GABRB1: variants seen among roughly 807,000 people sequenced by gnomAD.
GABRB1 encodes gamma-aminobutyric acid receptor subunit beta-1.
GABRB1 carries 17 observed loss-of-function variants against 51.6 expected under a neutral mutation model. The observed-to-expected ratio is 0.33, with a 90% confidence interval of 0.23 to 0.49. GABRB1 has a LOEUF of 0.49. Ranked by LOEUF, GABRB1 falls within the 20% of genes least tolerant of loss-of-function variation. The probability of loss-of-function intolerance (pLI) is 0.99; values close to 1 mark genes in which losing one functional copy is unlikely to be tolerated. For missense variants in GABRB1, 410 were observed against 600.6 expected, an observed-to-expected ratio of 0.68 and a Z score of 3.32; for synonymous variants, 247 against 218.9, an observed-to-expected ratio of 1.13 and a Z score of -1.14.
intron 3 of GABRB1, among the ~76,000 whole-genome samples, chr4:47,061,002 CTTCTA>C (rs1337548259): frequency 7.9e-5 from 12 of 152,096 alleles, no homozygotes; most frequent in Non-Finnish European, 1.5e-4. Context: ...CATATTTAAT[CTTCTA>C]TTCTATCATT....
At chr4:47,307,688 G>A (rs564837048) in intron 4 of GABRB1, among the ~76,000 whole-genome samples, 7 of 151,728 alleles carry the variant, frequency 4.6e-5, no homozygotes, top group African/African-American at 7.3e-5. Context: ...TCTATACTGC[G>A]ATACTTTTCA....
chr4:47,107,840 G>A (rs1017428181), intron 3 of GABRB1, among the ~76,000 whole-genome samples: 1 of 152,000 alleles, frequency 6.6e-6, no homozygotes, highest in Non-Finnish European at 1.5e-5. Flanking sequence ...AAACTTAAAA[G>A]AGCTCATATT....
chr4:47,310,031 C>T (rs1724610977), intron 4 of GABRB1, among the ~76,000 whole-genome samples: 2 of 152,138 alleles, frequency 1.3e-5, no homozygotes, highest in Admixed American at 6.5e-5. Context: ...CTGCATCATA[C>T]CTGCATTCAT....
chr4:47,028,613 A>C (rs1165720669), upstream of GABRB1, among the ~76,000 whole-genome samples: 2 of 151,528 alleles, frequency 1.3e-5, no homozygotes, highest in Non-Finnish European at 3.0e-5. Flanking sequence ...ATGAACACCC[A>C]CATATCATGT....
chr4:47,284,355 G>A (rs1723425458), intron 4 of GABRB1, among the ~76,000 whole-genome samples: 1 of 152,004 alleles, frequency 6.6e-6, no homozygotes, highest in South Asian at 2.1e-4. Context: ...CCACCAAGCA[G>A]GAATAAACCA....
At chr4:47,334,490 G>A (rs1467433448) in intron 5 of GABRB1, among the ~76,000 whole-genome samples, 1 of 151,986 alleles carries the variant, frequency 6.6e-6, no homozygotes, top group East Asian at 1.9e-4. Context: ...AACATTCCTG[G>A]CATTTCTTAT....
At position 47,355,395 on chromosome 4, in the gene GABRB1, C is replaced by T. The variant is rs987718325; in HGVS notation, c.544+35186C>T. Among the ~76,000 whole-genome samples the T allele has an allele frequency of 3.9e-5, 6 of 151,984 alleles. No individual in the cohort carries two copies. The East Asian group carries it at 1.2e-3, about 29-fold the overall frequency. On this transcript the variant is annotated intron_variant, in intron 5 of 8. Coordinates refer to ENST00000295454, the MANE Select transcript of GABRB1 (RefSeq NM_000812.4). The stretch of plus-strand genomic sequence containing the variant: ...GTGTCTAGATGTCCGTGAATTCATT[C>T]GCTCTCATCTTCTATGCTTCCACTG...
chr4:47,148,845 A>G (rs941469872), intron 3 of GABRB1, among the ~76,000 whole-genome samples: 1 of 151,928 alleles, frequency 6.6e-6, no homozygotes, highest in African/African-American at 2.4e-5. Context: ...AAATCTACCC[A>G]CGAACTGAAT....
chr4:47,326,018 G>GA (rs1434646241), intron 5 of GABRB1, among the ~76,000 whole-genome samples: 1 of 152,114 alleles, frequency 6.6e-6, no homozygotes, highest in African/African-American at 2.4e-5. Flanking sequence ...ATATTAAATG[G>GA]AAAATTCCAG....
chr4:47,022,761 T>G (rs771609398), intron 1 of GABRB1, among the ~76,000 whole-genome samples: 1 of 152,034 alleles, frequency 6.6e-6, no homozygotes, highest in Admixed American at 6.6e-5. Flanking sequence ...AAATTGAAAT[T>G]GAGCTCAATT....
intron 2 of GABRB1, 136 bp downstream of exon 2, chr4:47,032,141 C>T: frequency 1.5e-6 from 1 of 668,522 alleles, no homozygotes; most frequent in South Asian, 1.8e-5. Context: ...CACACACACA[C>T]ACACACACAC....
intron 5 of GABRB1, among the ~76,000 whole-genome samples, chr4:47,362,298 AGGTAAATGGACACAGGAATTAT>A (rs1726837008): frequency 6.6e-6 from 1 of 152,142 alleles, no homozygotes; most frequent in Non-Finnish European, 1.5e-5. Context: ...GAGTGGAGTA[AGGTAAATGGACACAGGAATTAT>A]GGATAACTCT....
At chr4:47,337,597 G>A (rs1308825684) in intron 5 of GABRB1, among the ~76,000 whole-genome samples, 1 of 151,868 alleles carries the variant, frequency 6.6e-6, no homozygotes, top group Admixed American at 6.6e-5. Context: ...TTGAGGTCAG[G>A]AGTTCGAGAC....
At chr4:47,320,307 C>T in intron 5 of GABRB1, 98 bp downstream of exon 5, 1 of 773,204 alleles carries the variant, frequency 1.3e-6, no homozygotes, top group Non-Finnish European at 2.3e-6. Flanking sequence ...GATTTTCTAG[C>T]TGCGCTTGCC....
At chr4:47,042,055 C>T (rs777130564) in intron 3 of GABRB1, among the ~76,000 whole-genome samples, 1 of 151,880 alleles carries the variant, frequency 6.6e-6, no homozygotes, top group Non-Finnish European at 1.5e-5. Flanking sequence ...CCTAACCTTG[C>T]CTTTATCCCC....
intron 3 of GABRB1, among the ~76,000 whole-genome samples, chr4:47,053,978 T>C (rs547377820): frequency 6.6e-6 from 1 of 152,298 alleles, no homozygotes; most frequent in South Asian, 2.1e-4. Flanking sequence ...AATACCAGGA[T>C]CACATTTTAT....
chr4:47,397,764 G>T (rs1352759684), intron 5 of GABRB1, among the ~76,000 whole-genome samples: 1 of 151,928 alleles, frequency 6.6e-6, no homozygotes, highest in Non-Finnish European at 1.5e-5. Context: ...GTAGAGACAG[G>T]GTTTCACCAT....
chr4:47,256,618 C>G (rs1172268677), intron 4 of GABRB1, among the ~76,000 whole-genome samples: 1 of 152,128 alleles, frequency 6.6e-6, no homozygotes, highest in Non-Finnish European at 1.5e-5. Flanking sequence ...AGGGAGGCCT[C>G]AGGAAACTTT....
chr4:47,214,703 T>A (rs960580281), intron 4 of GABRB1, among the ~76,000 whole-genome samples: 1 of 152,146 alleles, frequency 6.6e-6, no homozygotes, highest in Non-Finnish European at 1.5e-5. Flanking sequence ...CTCCCCAAAT[T>A]GATATCAACT....
Sources: gnomAD v4.1 joint callset for allele counts (sites outside exome capture counted in the v4.1 genomes callset) on GRCh38, gnomAD v4.1.1 for gene constraint, MANE v1.5 for transcripts, NCBI Gene and HGNC (gene_info 2026-07-23, HGNC 2026-07-21) for gene names.